TMEM132B: variants seen among roughly 807,000 people sequenced by gnomAD.
TMEM132B encodes transmembrane protein 132B.
In TMEM132B, 18 loss-of-function variants were observed where a neutral mutation model predicts 90.8. The observed-to-expected ratio is 0.20, with a 90% CI of 0.14 to 0.29. The LOEUF is 0.29. TMEM132B is among the 10% of genes least tolerant of loss of function. TMEM132B has a pLI of 1.00. For synonymous variants in TMEM132B, 504 were observed against 523.3 expected (o/e 0.96, Z 0.50); for missense variants, 1,096 against 1,326.8 (o/e 0.83, Z 2.70).
chr12:125,418,364 C>CA (rs1880080261), intron 3 of TMEM132B, among the ~76,000 whole-genome samples: 4 of 151,966 alleles, frequency 2.6e-5, no homozygotes. Context: ...GAAAAAGTGT[C>CA]CTCTTTCTCC....
chr12:125,557,851 G>C (rs1356806142), intron 4 of TMEM132B, among the ~76,000 whole-genome samples: 11 of 152,164 alleles, frequency 7.2e-5, no homozygotes, highest in Non-Finnish European at 1.3e-4. Context: ...TTTCTTTAGG[G>C]ATGATGTTTG....
At chr12:125,478,423 G>A (rs1881947393) in intron 3 of TMEM132B, among the ~76,000 whole-genome samples, 1 of 152,204 alleles carries the variant, frequency 6.6e-6, no homozygotes, top group African/African-American at 2.4e-5. Context: ...GACCTTAAAT[G>A]ACCTGATGGA....
At chr12:125,557,328 C>T (rs1233200082) in intron 4 of TMEM132B, among the ~76,000 whole-genome samples, 1 of 152,036 alleles carries the variant, frequency 6.6e-6, no homozygotes, top group East Asian at 1.9e-4. Flanking sequence ...ACCAATTTAC[C>T]CCAATCATGA....
intron 1 of TMEM132B, among the ~76,000 whole-genome samples, chr12:125,218,430 T>A (rs1873487127): frequency 6.6e-6 from 1 of 152,200 alleles, no homozygotes; most frequent in Non-Finnish European, 1.5e-5. Flanking sequence ...GAGCTATTTT[T>A]CTTTGCTGTG....
chr12:125,473,930 G>C (rs1881787632), intron 3 of TMEM132B, among the ~76,000 whole-genome samples: 1 of 151,696 alleles, frequency 6.6e-6, no homozygotes, highest in Admixed American at 6.6e-5. Flanking sequence ...AAGAAATAGA[G>C]ATCCAAGTTT....
At chr12:125,394,024 A>G (rs771641252) in intron 2 of TMEM132B, among the ~76,000 whole-genome samples, 6 of 152,192 alleles carry the variant, frequency 3.9e-5, no homozygotes, top group South Asian at 2.1e-4. Flanking sequence ...AGTCTAGACA[A>G]TGGATCTGGA....
intron 4 of TMEM132B, among the ~76,000 whole-genome samples, chr12:125,549,988 A>T (rs1391502541): frequency 6.6e-6 from 1 of 152,112 alleles, no homozygotes; most frequent in African/African-American, 2.4e-5. Context: ...CCCTGTAAAC[A>T]TTTCTCCTTT....
intron 2 of TMEM132B, among the ~76,000 whole-genome samples, chr12:125,380,993 G>A (rs1208971017): frequency 6.6e-6 from 1 of 152,208 alleles, no homozygotes; most frequent in East Asian, 1.9e-4. Flanking sequence ...GCTCAGAGTT[G>A]CTTCTGTCCT....
intron 3 of TMEM132B, among the ~76,000 whole-genome samples, chr12:125,514,310 A>T (rs1265416360): frequency 6.6e-6 from 1 of 152,154 alleles, no homozygotes; most frequent in African/African-American, 2.4e-5. Context: ...GCACTGTGTC[A>T]GCACTACAGT....
chr12:125,446,826 A>T (rs75268159), intron 3 of TMEM132B, among the ~76,000 whole-genome samples: 1 of 152,346 alleles, frequency 6.6e-6, no homozygotes, highest in Non-Finnish European at 1.5e-5. Flanking sequence ...TCATTTAACT[A>T]CTTACCATCA....
chr12:125,239,030 G>A (rs975651401), intron 1 of TMEM132B, among the ~76,000 whole-genome samples: 5 of 152,246 alleles, frequency 3.3e-5, no homozygotes, highest in Middle Eastern at 6.8e-3. Context: ...TGGTAATAAC[G>A]TGTTCAGGGA....
intron 5 of TMEM132B, among the ~76,000 whole-genome samples, chr12:125,590,337 A>G (rs1436285619): frequency 6.6e-6 from 1 of 152,206 alleles, no homozygotes; most frequent in Non-Finnish European, 1.5e-5. Context: ...TTTACTAACT[A>G]TTCTTTTCCC....
At position 125,350,076 on chromosome 12, in the gene TMEM132B, A is replaced by T. The variant is rs1230454250; in HGVS notation, c.692A>T (p.Lys231Met). The T allele has an allele frequency of 1.2e-6, 2 of 1,614,214 alleles. No individual in the cohort carries two copies. The highest frequency in any genetic ancestry group is 8.5e-7 in the Non-Finnish European group (1 of 1,180,020). ...ELFFTLYPAD[K>M]AGQCPLEEEG... ...TTCTTCACGCTCTACCCAGCTGACA[A>T]GGCTGGCCAGTGTCCTCTGGAGGAG... Residue 231 changes from lysine (K) to methionine (M), a missense_variant, in exon 2 of 9, where the codon AAG becomes ATG. Physicochemically the swap from Lys to Met is moderately conservative, Grantham distance 95. Coordinates refer to ENST00000682704, the MANE Select transcript of TMEM132B (RefSeq NM_001366854.1).
At chr12:125,605,593 T>C (rs1274494632) in intron 5 of TMEM132B, among the ~76,000 whole-genome samples, 2 of 152,084 alleles carry the variant, frequency 1.3e-5, no homozygotes, top group African/African-American at 2.4e-5. Context: ...GTATGAAAAA[T>C]CTCTCCTCTT....
chr12:125,411,165 TGGAGTGGAGTGGAGTGAGTGGA>T (rs1368009540), intron 2 of TMEM132B, among the ~76,000 whole-genome samples: 1 of 48,588 alleles, frequency 2.1e-5, no homozygotes, highest in Non-Finnish European at 4.3e-5. Flanking sequence ...AGGAGTGGAG[TGGAGTGGAGTGGAGTGAGTGGA>T]GGAGTGGAGT....
chr12:125,259,640 G>A (rs1453516495), intron 1 of TMEM132B, among the ~76,000 whole-genome samples: 1 of 152,080 alleles, frequency 6.6e-6, no homozygotes, highest in Non-Finnish European at 1.5e-5. Context: ...ATTAATCCCC[G>A]GGGACTCGTC....
At chr12:125,644,388 C>T (rs961941157) in intron 6 of TMEM132B, 107 bp downstream of exon 6, 2 of 1,255,358 alleles carry the variant, frequency 1.6e-6, no homozygotes, top group Non-Finnish European at 1.1e-6. Flanking sequence ...GCAACATCCA[C>T]AGCGGGAAGC....
At position 125,568,303 on chromosome 12, in the gene TMEM132B, G is replaced by A. The variant is rs1329340814; in HGVS notation, c.1294-15548G>A. Among the ~76,000 whole-genome samples the A allele has an allele frequency of 3.3e-5, 5 of 152,130 alleles. No individual in the cohort carries two copies. In the East Asian group the frequency reaches 7.7e-4, roughly 23 times the overall value. On this transcript the variant is annotated intron_variant, in intron 4 of 8. Coordinates refer to ENST00000682704, the MANE Select transcript of TMEM132B (RefSeq NM_001366854.1). ...TATATATTTATGGGGTACATGAGATGTTTTGATACAGGCATGCAATGCATA... is the reference window on the plus strand; with the variant it reads ...TATATATTTATGGGGTACATGAGATATTTTGATACAGGCATGCAATGCATA...
At chr12:125,507,748 G>A (rs1882881395) in intron 3 of TMEM132B, among the ~76,000 whole-genome samples, 1 of 152,184 alleles carries the variant, frequency 6.6e-6, no homozygotes, top group Admixed American at 6.5e-5. Flanking sequence ...ATAGATTCTT[G>A]TAAGGACTTT....
Sources: allele counts gnomAD v4.1 joint callset (sites outside exome capture counted in the v4.1 genomes callset), GRCh38; gene constraint gnomAD v4.1.1; transcripts MANE v1.5; gene names NCBI Gene and HGNC (gene_info 2026-07-23, HGNC 2026-07-21).